Variants in AGBL4 observed in about 807,000 individuals in gnomAD.
AGBL4 encodes the protein AGBL carboxypeptidase 4.
A neutral mutation model predicts 66.4 loss-of-function variants in AGBL4; 58 were observed. The ratio of observed to expected loss-of-function variants is 0.87; its 90% CI spans 0.71 to 1.09. The LOEUF is 1.09. AGBL4 is among the 50% of genes least tolerant of loss of function. The pLI is 0.00. For synonymous variants in AGBL4, 234 were observed against 222.9 expected (o/e 1.05, Z -0.44); for missense variants, 579 against 631.0 (o/e 0.92, Z 0.88).
At chr1:49,291,091 C>T (rs539846787) in intron 3 of AGBL4, among the ~76,000 whole-genome samples, 44 of 152,224 alleles carry the variant, frequency 2.9e-4, no homozygotes, top group Non-Finnish European at 5.1e-4. Flanking sequence ...AGCAGATTTG[C>T]GGATGTGCAG....
At chr1:48,957,982 T>G (rs991484605) in intron 5 of AGBL4, among the ~76,000 whole-genome samples, 5 of 152,162 alleles carry the variant, frequency 3.3e-5, no homozygotes, top group Non-Finnish European at 7.4e-5. Flanking sequence ...TAATGACTTC[T>G]GCAGGCTTGT....
intron 3 of AGBL4, among the ~76,000 whole-genome samples, chr1:49,647,695 T>C (rs765793323): frequency 2.2e-4 from 33 of 152,086 alleles, no homozygotes; most frequent in African/African-American, 3.4e-4. Context: ...GGAGAAACTA[T>C]GTAATCAGAG....
At chr1:49,831,249 G>A (rs1322838857) in intron 2 of AGBL4, among the ~76,000 whole-genome samples, 6 of 152,174 alleles carry the variant, frequency 3.9e-5, no homozygotes, top group Non-Finnish European at 8.8e-5. Flanking sequence ...AGCATGGAAT[G>A]TCTTCCCATT....
At chr1:49,980,743 T>G (rs1658993357) in intron 1 of AGBL4, among the ~76,000 whole-genome samples, 1 of 152,180 alleles carries the variant, frequency 6.6e-6, no homozygotes, top group Non-Finnish European at 1.5e-5. Flanking sequence ...TGTGCAAATA[T>G]CTCTTCAAGA....
intron 3 of AGBL4, among the ~76,000 whole-genome samples, chr1:49,639,943 T>C (rs574399659): frequency 3.6e-4 from 55 of 152,244 alleles, no homozygotes; most frequent in African/African-American, 1.3e-3. Context: ...TACTTACGTA[T>C]GAAACACAGT....
At chr1:49,228,369 G>C (rs1229267331) in intron 4 of AGBL4, among the ~76,000 whole-genome samples, 3 of 152,156 alleles carry the variant, frequency 2.0e-5, no homozygotes, top group African/African-American at 7.2e-5. Flanking sequence ...CTTTGAATAT[G>C]ATAAGGCTAT....
intron 1 of AGBL4, among the ~76,000 whole-genome samples, chr1:49,892,296 T>G (rs1203903243): frequency 1.3e-5 from 2 of 152,216 alleles, no homozygotes; most frequent in Non-Finnish European, 2.9e-5. Context: ...TTCTCTGACT[T>G]GTTAAAGCTA....
At chr1:49,967,323 C>T (rs1657647771) in intron 1 of AGBL4, among the ~76,000 whole-genome samples, 2 of 152,110 alleles carry the variant, frequency 1.3e-5, no homozygotes, top group African/African-American at 2.4e-5. Context: ...CCATGGAATA[C>T]TATGCAGCCA....
intron 11 of AGBL4, among the ~76,000 whole-genome samples, chr1:48,575,615 C>T (rs908025955): frequency 9.2e-5 from 14 of 152,200 alleles, no homozygotes; most frequent in African/African-American, 3.1e-4. Flanking sequence ...AGGAAAGCAG[C>T]TCTCTGGACT....
intron 4 of AGBL4, among the ~76,000 whole-genome samples, chr1:49,168,118 G>A (rs908194196): frequency 6.0e-4 from 92 of 152,246 alleles, no homozygotes; most frequent in African/African-American, 2.0e-3. Context: ...TTTGATATCC[G>A]AGGGGGCTCC....
intron 3 of AGBL4, among the ~76,000 whole-genome samples, chr1:49,355,949 G>A (rs989228885): frequency 1.2e-4 from 19 of 152,176 alleles, no homozygotes; most frequent in African/African-American, 4.1e-4. Flanking sequence ...GACAATCGTA[G>A]TGTGCACTCC....
intron 3 of AGBL4, among the ~76,000 whole-genome samples, chr1:49,342,953 A>G (rs1280981984): frequency 1.3e-5 from 2 of 152,228 alleles, no homozygotes; most frequent in African/African-American, 2.4e-5. Flanking sequence ...AAAGCCAGAA[A>G]TATTGGCCCT....
At chr1:49,605,529 T>C (rs1380961633) in intron 3 of AGBL4, among the ~76,000 whole-genome samples, 1 of 152,142 alleles carries the variant, frequency 6.6e-6, no homozygotes, top group Non-Finnish European at 1.5e-5. Flanking sequence ...GTATAAAATA[T>C]TAAGGTAAAA....
chr1:49,284,476 A>T (rs1359887130), intron 3 of AGBL4, among the ~76,000 whole-genome samples: 3 of 152,260 alleles, frequency 2.0e-5, no homozygotes, highest in Non-Finnish European at 2.9e-5. Flanking sequence ...AACGAGCAAA[A>T]TCACCAGCTA....
At chr1:49,980,088 T>C (rs1658935339) in intron 1 of AGBL4, among the ~76,000 whole-genome samples, 1 of 152,186 alleles carries the variant, frequency 6.6e-6, no homozygotes, top group African/African-American at 2.4e-5. Flanking sequence ...ATGTGTTAAT[T>C]GACTATGTTA....
intron 3 of AGBL4, among the ~76,000 whole-genome samples, chr1:49,425,411 C>T (rs1645634737): frequency 2.0e-5 from 3 of 151,980 alleles, no homozygotes; most frequent in African/African-American, 7.3e-5. Context: ...ATAAGTGTTT[C>T]AGGAGGTTAA....
At position 49,199,993 on chromosome 1, in the gene AGBL4, C is replaced by T. The variant is rs113787913; in HGVS notation, c.377+45777G>A. On this transcript the variant is annotated intron_variant, in intron 4 of 13. Transcript: ENST00000371839. ...GATGCTGGAGGGCAGATATGACAAG[C>T]TCTGGTGAAACGCTAAAAAAGCAGC... Among the ~76,000 whole-genome samples, 306 of 152,228 alleles carry T rather than the reference C, an allele frequency of 2.0e-3. 4 individuals carry two copies. Among genetic ancestry groups the T allele is most frequent in the African/African-American group, 6.9e-3 (286 of 41,552 alleles).
At chr1:49,947,202 A>T (rs1571930449) in intron 1 of AGBL4, among the ~76,000 whole-genome samples, 1 of 151,992 alleles carries the variant, frequency 6.6e-6, no homozygotes, top group South Asian at 2.1e-4. Context: ...TATGAAGCCA[A>T]TATCACCCAA....
chr1:49,606,012 C>A (rs947750126), intron 3 of AGBL4, among the ~76,000 whole-genome samples: 1 of 152,024 alleles, frequency 6.6e-6, no homozygotes, highest in African/African-American at 2.4e-5. Context: ...GGGAATTTTT[C>A]AATAACAGCT....
Sources: gnomAD v4.1 joint callset for allele counts (sites outside exome capture counted in the v4.1 genomes callset) on GRCh38, gnomAD v4.1.1 for gene constraint, MANE v1.5 for transcripts, NCBI Gene and HGNC (gene_info 2026-07-23, HGNC 2026-07-21) for gene names.